PLEKHA7: variants seen among roughly 807,000 people sequenced by gnomAD.
PLEKHA7 encodes pleckstrin homology domain-containing family A member 7.
A neutral mutation model predicts 170.0 loss-of-function variants in PLEKHA7; 104 were observed. The ratio of observed to expected loss-of-function variants is 0.61; its 90% CI spans 0.52 to 0.72. PLEKHA7 has a LOEUF of 0.72. Ranked by LOEUF, PLEKHA7 falls within the 30% of genes least tolerant of loss-of-function variation. The probability of loss-of-function intolerance (pLI) is 0.00; values close to 1 mark genes in which losing one functional copy is unlikely to be tolerated. For missense variants in PLEKHA7, 1,615 were observed against 1,671.7 expected (o/e 0.97, Z 0.59); for synonymous variants, 648 against 660.8 (o/e 0.98, Z 0.30).
intron 4 of PLEKHA7, among the ~76,000 whole-genome samples, chr11:16,870,050 C>G (rs1357555088): frequency 6.6e-6 from 1 of 152,152 alleles, no homozygotes; most frequent in Non-Finnish European, 1.5e-5. Context: ...AAAACACATC[C>G]TGCTTGGGCT....
At chr11:16,833,691 G>C (rs1851295414) in intron 9 of PLEKHA7, among the ~76,000 whole-genome samples, 1 of 152,200 alleles carries the variant, frequency 6.6e-6, no homozygotes, top group Non-Finnish European at 1.5e-5. Flanking sequence ...GGTCAGGACT[G>C]AGCCCAGAGA....
intron 3 of PLEKHA7, among the ~76,000 whole-genome samples, chr11:16,907,113 T>TGG (rs1565100055): frequency 8.1e-6 from 1 of 123,448 alleles, no homozygotes; most frequent in East Asian, 2.3e-4. Context: ...GGGAGGGAGG[T>TGG]GGGGGTCAGC....
At chr11:17,011,075 A>T (rs1367081235) in intron 3 of PLEKHA7, among the ~76,000 whole-genome samples, 3 of 152,076 alleles carry the variant, frequency 2.0e-5, no homozygotes, top group African/African-American at 4.8e-5. Context: ...ATCATTAGGG[A>T]CCTCACAGAC....
At chr11:16,899,787 A>G (rs1184191430) in intron 3 of PLEKHA7, among the ~76,000 whole-genome samples, 1 of 152,248 alleles carries the variant, frequency 6.6e-6, no homozygotes, top group African/African-American at 2.4e-5. Flanking sequence ...TAGGGCAGGA[A>G]AACCTTTAGA....
intron 3 of PLEKHA7, among the ~76,000 whole-genome samples, chr11:16,925,754 C>T (rs1443673845): frequency 6.6e-6 from 1 of 152,248 alleles, no homozygotes; most frequent in Non-Finnish European, 1.5e-5. Flanking sequence ...CACTTGACAT[C>T]AGCACCGATC....
At chr11:16,962,636 T>C (rs4757453) in intron 3 of PLEKHA7, among the ~76,000 whole-genome samples, 71,593 of 151,960 alleles carry the variant, frequency 0.47, 17,883 homozygotes, top group East Asian at 0.74. Context: ...AATTTTTATA[T>C]TTTTAGTAGA....
At position 16,789,015 on chromosome 11, in the gene PLEKHA7, G is replaced by GT. The variant is rs1210014078; in HGVS notation, c.3357+80dup. 2 of 1,485,524 alleles carry GT rather than the reference G, an allele frequency of 1.3e-6. No individual in the cohort carries two copies. Among genetic ancestry groups the GT allele is most frequent in the Non-Finnish European group, 1.8e-6 (2 of 1,102,436 alleles). The allele number at this position is 1,485,524 out of a possible 1,614,324, so 92.0% of individuals were successfully genotyped here. ...ATGGACAGCTCTCTCACTGGGAGGT[G>GT]TGATGTGCTTGTGTTTGGGGGACTC... On this transcript the variant is annotated intron_variant, in intron 23 of 26. Coordinates refer to ENST00000531066, the MANE Select transcript of PLEKHA7 (RefSeq NM_001329630.2). The surrounding 1 kb of genome is among the most constrained non-coding windows in gnomAD (Gnocchi z 4.6).
At chr11:16,999,985 C>G (rs1864568536) in intron 3 of PLEKHA7, among the ~76,000 whole-genome samples, 1 of 152,166 alleles carries the variant, frequency 6.6e-6, no homozygotes, top group African/African-American at 2.4e-5. Context: ...AGATGCAAAC[C>G]CTAATACTCA....
At chr11:16,890,848 AATAT>A (rs1028999568) in intron 3 of PLEKHA7, among the ~76,000 whole-genome samples, 5 of 151,660 alleles carry the variant, frequency 3.3e-5, no homozygotes, top group Non-Finnish European at 5.9e-5. Context: ...AACATGAAAA[AATAT>A]ATATATATAT....
chr11:16,993,998 C>A (rs1444239259), intron 3 of PLEKHA7, among the ~76,000 whole-genome samples: 1 of 152,192 alleles, frequency 6.6e-6, no homozygotes, highest in African/African-American at 2.4e-5. Context: ...CTGTGGGGAA[C>A]ACAAGCTTAA....
intron 9 of PLEKHA7, among the ~76,000 whole-genome samples, chr11:16,831,400 G>A (rs894800880): frequency 1.3e-5 from 2 of 152,138 alleles, no homozygotes; most frequent in African/African-American, 4.8e-5. Flanking sequence ...TTAGCACAAC[G>A]ATGGGAAGGA....
At chr11:16,918,066 T>C (rs2136216634) in intron 3 of PLEKHA7, among the ~76,000 whole-genome samples, 1 of 152,294 alleles carries the variant, frequency 6.6e-6, no homozygotes, top group Non-Finnish European at 1.5e-5. Flanking sequence ...GGTAAATGCC[T>C]ACTAGTTGAT....
At chr11:16,855,710 A>C in intron 5 of PLEKHA7, 93 bp downstream of exon 5, 1 of 959,126 alleles carries the variant, frequency 1.0e-6, no homozygotes, top group Non-Finnish European at 1.6e-6. Context: ...TCTCTCACAA[A>C]ACTATAGTGA....
intron 9 of PLEKHA7, among the ~76,000 whole-genome samples, chr11:16,839,694 T>C (rs962948565): frequency 1.3e-5 from 2 of 152,156 alleles, no homozygotes; most frequent in South Asian, 2.1e-4. Flanking sequence ...AGGTATTATA[T>C]GTAATCTTGC....
At chr11:16,868,271 C>T (rs543187119) in intron 4 of PLEKHA7, among the ~76,000 whole-genome samples, 6 of 152,266 alleles carry the variant, frequency 3.9e-5, no homozygotes, top group South Asian at 2.1e-4. Context: ...TGATTCTATA[C>T]GACTGACGCA....
chr11:16,834,971 C>T (rs1465219190), intron 9 of PLEKHA7, among the ~76,000 whole-genome samples: 3 of 152,072 alleles, frequency 2.0e-5, no homozygotes, highest in Admixed American at 6.6e-5. Flanking sequence ...AACAAGAGAA[C>T]AAAAGTCAGA....
chr11:16,825,500 G>A (rs568720241), intron 10 of PLEKHA7, among the ~76,000 whole-genome samples: 11 of 152,334 alleles, frequency 7.2e-5, no homozygotes, highest in Admixed American at 3.3e-4. Flanking sequence ...TGGGGACAAC[G>A]GGGAAGCTAG....
At chr11:16,928,845 G>C (rs1397839952) in intron 3 of PLEKHA7, among the ~76,000 whole-genome samples, 1 of 151,856 alleles carries the variant, frequency 6.6e-6, no homozygotes, top group Non-Finnish European at 1.5e-5. Context: ...GACTTTATGA[G>C]ATTTTTTTTT....
intron 3 of PLEKHA7, among the ~76,000 whole-genome samples, chr11:16,981,002 T>C (rs184378834): frequency 1.4e-4 from 22 of 152,302 alleles, no homozygotes; most frequent in African/African-American, 5.3e-4. Flanking sequence ...AGTAGGCCTT[T>C]GATACCTTCA....
Sources: allele counts gnomAD v4.1 joint callset (sites outside exome capture counted in the v4.1 genomes callset), GRCh38; gene constraint gnomAD v4.1.1; non-coding constraint Gnocchi (gnomAD v3.1); transcripts MANE v1.5; gene names NCBI Gene and HGNC (gene_info 2026-07-23, HGNC 2026-07-21).